The following SLC24A2 variants were observed in gnomAD, a reference collection of about 807,000 sequenced individuals.
SLC24A2 encodes the protein sodium/potassium/calcium exchanger 2.
In SLC24A2, 36 loss-of-function variants were observed where a neutral mutation model predicts 62.0. That is an observed-to-expected ratio of 0.58 (90% confidence interval 0.44 to 0.77). The LOEUF is 0.77. Among genes scored for constraint, SLC24A2 ranks in the 30% least tolerant of loss-of-function variants. The pLI is 0.00. For synonymous variants in SLC24A2, 358 were observed against 294.0 expected, an observed-to-expected ratio of 1.22 and a Z score of -2.23; for missense variants, 846 against 817.9, an observed-to-expected ratio of 1.03 and a Z score of -0.42.
intron 8 of SLC24A2, among the ~76,000 whole-genome samples, chr9:19,545,885 C>G (rs1188736134): frequency 6.6e-6 from 1 of 152,182 alleles, no homozygotes; most frequent in African/African-American, 2.4e-5. Context: ...GATCTGCCCT[C>G]CTCGGCCTCC....
rs529919308 is a variant in SLC24A2 at position 19,635,022 on chromosome 9, T to C, written c.931-12723A>G. Among the ~76,000 whole-genome samples, 5 of 152,308 alleles carry C rather than the reference T, an allele frequency of 3.3e-5. No homozygotes were observed. In the South Asian group the frequency reaches 6.2e-4, roughly 19 times the overall value. ...TTCTGGTTCCAGACAGTAGCTGTGG[T>C]TTCCTAGGACATATCTTATCTGTTA... On this transcript the variant is annotated intron_variant, in intron 2 of 10. Transcript: ENST00000341998.
chr9:19,844,170 T>C, the SLC24A2 span, among the ~76,000 whole-genome samples: 3 of 152,314 alleles, frequency 2.0e-5, no homozygotes, highest in East Asian at 1.9e-4. Context: ...CTTTTCTCCA[T>C]AGCCTTGCCA....
At chr9:19,852,237 G>A in the SLC24A2 span, among the ~76,000 whole-genome samples, 1 of 152,160 alleles carries the variant, frequency 6.6e-6, no homozygotes, top group African/African-American at 2.4e-5. Flanking sequence ...ACCTCTGTCA[G>A]ATGAATAGAT....
chr9:19,866,485 G>A, the SLC24A2 span, among the ~76,000 whole-genome samples: 2 of 152,148 alleles, frequency 1.3e-5, no homozygotes, highest in African/African-American at 4.8e-5. Context: ...TAAAGAGAAT[G>A]TGGTATTTGT....
chr9:20,023,722 A>G, the SLC24A2 span, among the ~76,000 whole-genome samples: 4 of 152,324 alleles, frequency 2.6e-5, no homozygotes, highest in African/African-American at 9.6e-5. Context: ...GATTTTGTTC[A>G]GAATTAGAGA....
chr9:19,771,641 G>C (rs1009084928), intron 2 of SLC24A2, among the ~76,000 whole-genome samples: 1 of 152,242 alleles, frequency 6.6e-6, no homozygotes, highest in South Asian at 2.1e-4. Flanking sequence ...ACGAGAGCGA[G>C]GATGTTTCCT....
chr9:20,148,655 A>G, the SLC24A2 span, among the ~76,000 whole-genome samples: 1 of 152,128 alleles, frequency 6.6e-6, no homozygotes, highest in African/African-American at 2.4e-5. Flanking sequence ...CAGTTGGAAT[A>G]TGCATGTGAT....
chr9:19,794,001 A>T (rs1823349129), upstream of SLC24A2, among the ~76,000 whole-genome samples: 2 of 152,150 alleles, frequency 1.3e-5, no homozygotes, highest in African/African-American at 4.8e-5. Context: ...CATTTGGCTC[A>T]TTTTTTGTCT....
intron 2 of SLC24A2, among the ~76,000 whole-genome samples, chr9:19,771,808 G>A (rs1239009554): frequency 6.6e-6 from 1 of 152,146 alleles, no homozygotes; most frequent in African/African-American, 2.4e-5. Context: ...GATCATTACT[G>A]CTATTGTTAT....
rs571252255 is a variant in SLC24A2, at chr9:19,576,954, C to A, written c.1198G>T (p.Glu400Ter). The change falls in exon 6 of 11, where the codon GAG becomes TAG. Residue 400 changes from glutamate (E) to a stop codon, truncating the protein, a stop_gained. Transcript: ENST00000341998. LOFTEE classifies it high-confidence loss of function. Reference protein sequence around the residue: ...AKKKCHVDENERQNGAANHVE... With the variant: ...AKKKCHVDEN The stretch of plus-strand genomic sequence containing the variant: ...TGGTTGGCAGCCCCATTCTGCCTCT[C>A]GTTCTCATCCACATGACATTTCTTC... The A allele has an allele frequency of 6.2e-7, 1 of 1,614,054 alleles. No homozygotes were observed. Among genetic ancestry groups the A allele is most frequent in the South Asian group, 1.1e-5 (1 of 91,068 alleles).
chr9:20,063,774 T>C, the SLC24A2 span, among the ~76,000 whole-genome samples: 2 of 152,128 alleles, frequency 1.3e-5, no homozygotes, highest in Non-Finnish European at 2.9e-5. Flanking sequence ...CATTTAAAAG[T>C]GCTTGACATC....
intron 10 of SLC24A2, among the ~76,000 whole-genome samples, chr9:19,519,462 G>C (rs1312226476): frequency 6.6e-6 from 1 of 151,926 alleles, no homozygotes; most frequent in African/African-American, 2.4e-5. Flanking sequence ...TTTTTTACAA[G>C]AGATTGACCA....
chr9:19,613,265 T>C (rs1047547241), intron 4 of SLC24A2, among the ~76,000 whole-genome samples: 5 of 152,362 alleles, frequency 3.3e-5, no homozygotes, highest in Non-Finnish European at 7.3e-5. Flanking sequence ...GACTGTGGTA[T>C]TCCTTTCTCT....
the SLC24A2 span, among the ~76,000 whole-genome samples, chr9:20,055,464 G>A: frequency 1.2e-4 from 18 of 151,972 alleles, no homozygotes; most frequent in Admixed American, 1.2e-3. Context: ...TTTAGTAGGG[G>A]GTGTAAATTT....
the SLC24A2 span, among the ~76,000 whole-genome samples, chr9:20,073,672 G>C: frequency 1.3e-5 from 2 of 151,798 alleles, no homozygotes; most frequent in South Asian, 4.2e-4. Flanking sequence ...CACAGGACTC[G>C]TTAAAACTCA....
intron 2 of SLC24A2, among the ~76,000 whole-genome samples, chr9:19,706,432 T>A (rs1251723192): frequency 6.7e-6 from 1 of 148,638 alleles, no homozygotes; most frequent in East Asian, 2.0e-4. Flanking sequence ...CATGCTGGAG[T>A]GCAGTGGCGC....
At chr9:20,164,488 G>A in the SLC24A2 span, among the ~76,000 whole-genome samples, 6 of 151,552 alleles carry the variant, frequency 4.0e-5, no homozygotes, top group Admixed American at 1.3e-4. Flanking sequence ...GAAACAACAG[G>A]TGCTGGAGAG....
rs895799684 is a variant in SLC24A2, at chr9:19,672,015, T to C, written c.931-49716A>G. On this transcript the variant is annotated intron_variant, in intron 2 of 10. Transcript: ENST00000341998. ...TCAGGGATATTGGTCTGTAATTTTC[T>C]TTTTTTTGTTACGTCCTTTCCTGGC... is the stretch of plus-strand genomic sequence containing the variant. Among the ~76,000 whole-genome samples, 2 of 145,698 alleles carry C rather than the reference T, an allele frequency of 1.4e-5. 1 individual carries two copies. Among genetic ancestry groups the C allele is most frequent in the African/African-American group, 5.4e-5 (2 of 36,820 alleles).
the SLC24A2 span, among the ~76,000 whole-genome samples, chr9:20,024,672 G>T: frequency 6.6e-6 from 1 of 152,196 alleles, no homozygotes; most frequent in Non-Finnish European, 1.5e-5. Flanking sequence ...ATACGTGTGT[G>T]TGTGTTCACT....
Sources: gnomAD v4.1 joint callset for allele counts (sites outside exome capture counted in the v4.1 genomes callset) on GRCh38, gnomAD v4.1.1 for gene constraint, MANE v1.5 for transcripts, NCBI Gene and HGNC (gene_info 2026-07-23, HGNC 2026-07-21) for gene names.